Variants in TXLNB observed in about 807,000 individuals in gnomAD.
The protein encoded by TXLNB is beta-taxilin.
TXLNB carries 37 observed loss-of-function variants against 57.4 expected under a neutral mutation model. The ratio of observed to expected loss-of-function variants is 0.64; its 90% CI spans 0.50 to 0.85. The LOEUF is 0.85. Ranked by LOEUF, TXLNB falls within the 40% of genes least tolerant of loss-of-function variation. The pLI, the probability that TXLNB is intolerant of heterozygous loss-of-function variation, is 0.00. For synonymous variants in TXLNB, 302 were observed against 309.6 expected (o/e 0.98, Z 0.26); for missense variants, 848 against 825.6 (o/e 1.03, Z -0.33).
At chr6:139,188,484 T>TTA in the TXLNB span, among the ~76,000 whole-genome samples, 1 of 152,228 alleles carries the variant, frequency 6.6e-6, no homozygotes. Flanking sequence ...ATCTGTGATC[T>TTA]ACCCTAACAT....
chr6:139,178,012 G>T, the TXLNB span: 1 of 152,164 alleles, frequency 6.6e-6, no homozygotes, highest in South Asian at 2.1e-4. Context: ...CACATTTATT[G>T]TCCTCAAAAT....
At chr6:139,296,397 G>C (rs1207174958), upstream of TXLNB, among the ~76,000 whole-genome samples, 3 of 151,934 alleles carry the variant, frequency 2.0e-5, no homozygotes, top group Admixed American at 1.3e-4. Flanking sequence ...AAAATGCAAG[G>C]TCATTCTTAT....
the TXLNB span, among the ~76,000 whole-genome samples, chr6:139,184,547 G>A: frequency 2.6e-5 from 4 of 152,200 alleles, no homozygotes; most frequent in Admixed American, 1.3e-4. Context: ...CTTTTGTTAA[G>A]ATAGATGATT....
the TXLNB span, among the ~76,000 whole-genome samples, chr6:139,215,201 G>A: frequency 6.6e-6 from 1 of 152,126 alleles, no homozygotes; most frequent in African/African-American, 2.4e-5. Flanking sequence ...CAAAGCTGGA[G>A]GCATCACGCT....
At chr6:139,225,151 T>C in the TXLNB span, among the ~76,000 whole-genome samples, 1 of 152,176 alleles carries the variant, frequency 6.6e-6, no homozygotes, top group Non-Finnish European at 1.5e-5. Flanking sequence ...CAAACACTCA[T>C]AGCAAACTAG....
the TXLNB span, among the ~76,000 whole-genome samples, chr6:139,204,932 C>T: frequency 6.6e-6 from 1 of 152,206 alleles, no homozygotes; most frequent in Non-Finnish European, 1.5e-5. Context: ...GAACCACCCC[C>T]CATCCCCACA....
Position 139,284,730 on chromosome 6 carries a change from A to T in TXLNB, c.424+3746T>A, listed in dbSNP as rs759907986. Among the ~76,000 whole-genome samples, 115 of 145,362 alleles carry T rather than the reference A, an allele frequency of 7.9e-4. 18 individuals carry two copies. Among genetic ancestry groups the T allele is most frequent in the Non-Finnish European group, 1.5e-3 (98 of 65,334 alleles). On this transcript the variant is annotated intron_variant, in intron 2 of 9. Coordinates refer to ENST00000358430, the MANE Select transcript of TXLNB (RefSeq NM_153235.4). The stretch of plus-strand genomic sequence containing the variant: ...AAATATCTGTGTGTGGGGGCTCAGG[A>T]GGAGCATTTTTCACAAATTTTGCAA...
chr6:139,243,149 G>A lies in TXLNB; in HGVS notation c.1432C>T (p.Pro478Ser). 6.2e-7 allele frequency: 1 copy of A among 1,614,134 alleles called. No homozygotes were observed. Among genetic ancestry groups the A allele is most frequent in the Non-Finnish European group, 8.5e-7 (1 of 1,180,016 alleles). ...TGATCCACAGAGACGTTTGACTCTG[G>A]CTCTTCATCGGAGTTGTGCTGACTT... ...DQSQHNSDEE[P>S]ESNVSVDQEI... Residue 478 changes from proline (P) to serine (S), a missense_variant, in exon 10 of 10, where the codon CCA becomes TCA. Physicochemically the swap from Pro to Ser is moderately conservative, Grantham distance 74. Transcript: ENST00000358430.
At position 139,285,402 on chromosome 6, in the gene TXLNB, T is replaced by C. The variant is rs376153083; in HGVS notation, c.424+3074A>G. ...TACCTCTGGAATGAGATTTTGTATA[T>C]TGTCTTACGGAAACTTGAATAATGA... On this transcript the variant is annotated intron_variant, in intron 2 of 9. Transcript: ENST00000358430. Among the ~76,000 whole-genome samples the C allele has an allele frequency of 1.3e-4, 19 of 143,628 alleles. 2 individuals are homozygous for C. Among genetic ancestry groups the C allele is most frequent in the African/African-American group, 4.1e-4 (16 of 39,002 alleles). The allele number at this position is 143,628 out of a possible 152,430, so 94.2% of individuals were successfully genotyped here. A position where few individuals can be genotyped will look rare whatever the true frequency, so the allele number is the denominator to read the frequency against.
the TXLNB span, among the ~76,000 whole-genome samples, chr6:139,310,703 G>T: frequency 5.9e-5 from 9 of 151,846 alleles, no homozygotes; most frequent in Non-Finnish European, 8.8e-5. Flanking sequence ...TTTTGGTTTG[G>T]TTTTTTTTGA....
chr6:139,244,649 T>C lies in TXLNB; in HGVS notation c.1212A>G (p.Thr404=), dbSNP rs1776029620. ...TACAGTTCTCAAATCGGGCTTTCCA[T>C]GTGGCTGTGTCCTTTTCCAGCTTCT... ...KMKKLEKDTA[T]WKARFENCNK... is the part of the protein sequence containing the mutation. The change falls in exon 9 of 10, where the codon ACA becomes ACG. Residue 404 remains threonine, a synonymous_variant. Coordinates refer to ENST00000358430, the MANE Select transcript of TXLNB (RefSeq NM_153235.4). 2 of 1,613,952 alleles carry C rather than the reference T, an allele frequency of 1.2e-6. No individual in the cohort carries two copies. Among genetic ancestry groups the C allele is most frequent in the African/African-American group, 1.3e-5 (1 of 74,944 alleles).
At chr6:139,189,085 AG>A in the TXLNB span, among the ~76,000 whole-genome samples, 2 of 152,194 alleles carry the variant, frequency 1.3e-5, no homozygotes, top group Admixed American at 6.5e-5. Flanking sequence ...TATTCTATGT[AG>A]GTGGGATATA....
intron 2 of TXLNB, among the ~76,000 whole-genome samples, chr6:139,285,900 CTTTACCCACGAGAGAGAT>C (rs1372955641): frequency 2.1e-5 from 3 of 145,606 alleles, no homozygotes; most frequent in East Asian, 2.0e-4. Context: ...GGGAAAGTGA[CTTTACCCACGAGAGAGAT>C]TTTACCCACG....
Position 139,242,655 on chromosome 6 carries a change from T to C in TXLNB, c.1926A>G (p.Ala642=), listed in dbSNP as rs1290999991. 1 of 1,609,828 alleles carries C rather than the reference T, an allele frequency of 6.2e-7. No homozygotes were observed. Among genetic ancestry groups the C allele is most frequent in the Non-Finnish European group, 8.5e-7 (1 of 1,178,242 alleles). ...APACAAEEHV[A]AMVPACEPSR... Reference sequence around the variant, plus strand: ...TGGGCTCGCATGCAGGCACCATGGCTGCAACGTGCTCTTCTGCTGCGCATG... The same window carrying C: ...TGGGCTCGCATGCAGGCACCATGGCCGCAACGTGCTCTTCTGCTGCGCATG... Residue 642 remains alanine (A), a synonymous_variant, in exon 10 of 10, where the codon GCA becomes GCG. Transcript: ENST00000358430.
At chr6:139,208,124 T>A in the TXLNB span, among the ~76,000 whole-genome samples, 1 of 151,800 alleles carries the variant, frequency 6.6e-6, no homozygotes, top group Non-Finnish European at 1.5e-5. Context: ...TTACAGCCAA[T>A]ACCACAGAAA....
the TXLNB span, among the ~76,000 whole-genome samples, chr6:139,184,132 G>A: frequency 6.6e-6 from 1 of 152,194 alleles, no homozygotes; most frequent in African/African-American, 2.4e-5. Context: ...TGTCTCCTAC[G>A]AGGTTGGGTG....
At chr6:139,291,065 A>G (rs762408139) in intron 1 of TXLNB, among the ~76,000 whole-genome samples, 9 of 152,174 alleles carry the variant, frequency 5.9e-5, no homozygotes, top group Non-Finnish European at 8.8e-5. Flanking sequence ...TATTTTCATC[A>G]CTGGGATTTC....
the TXLNB span, among the ~76,000 whole-genome samples, chr6:139,192,557 A>G: frequency 0.045 from 6,804 of 152,298 alleles, 148 homozygotes; most frequent in African/African-American, 0.059. Context: ...TGCTTGTCAC[A>G]TAGGAGATAC....
chr6:139,205,098 G>C, the TXLNB span, among the ~76,000 whole-genome samples: 1 of 152,152 alleles, frequency 6.6e-6, no homozygotes, highest in Non-Finnish European at 1.5e-5. Flanking sequence ...TACTTCCCCT[G>C]GCCAACTTAG....
Sources: allele counts gnomAD v4.1 joint callset (sites outside exome capture counted in the v4.1 genomes callset), GRCh38; gene constraint gnomAD v4.1.1; transcripts MANE v1.5; gene names NCBI Gene and HGNC (gene_info 2026-07-23, HGNC 2026-07-21).